The following MED24 variants were observed in gnomAD, a reference collection of about 807,000 sequenced individuals.
The protein encoded by MED24 is mediator of RNA polymerase II transcription subunit 24.
Under a neutral mutation model 118.8 loss-of-function variants are expected in MED24, and 74 were observed. The ratio of observed to expected loss-of-function variants is 0.62; its 90% CI spans 0.52 to 0.76. MED24 has a LOEUF of 0.76. MED24 is among the 30% of genes least tolerant of loss of function. The pLI is 0.00. For missense variants in MED24, 1,041 were observed against 1,278.9 expected (o/e 0.81, Z 2.84); for synonymous variants, 521 against 523.9 (o/e 0.99, Z 0.08).
intron 16 of MED24, 57 bp downstream of exon 16, chr17:40,027,326 G>C: frequency 6.5e-7 from 1 of 1,540,448 alleles, no homozygotes; most frequent in Non-Finnish European, 8.8e-7. Context: ...GAGGTGGGGA[G>C]AGTTCCGGGT....
At position 40,053,593 on chromosome 17, in the gene MED24, C is replaced by G. The variant is rs1567641448; in HGVS notation, c.6G>C (p.Lys2Asn). The change falls in exon 2 of 26, where the codon AAG (lysine) becomes AAC (asparagine). Residue 2 changes from lysine to asparagine, a missense_variant. Physicochemically the swap from Lys to Asn is moderately conservative, Grantham distance 94. Transcript: ENST00000394128. Reference sequence around the variant, plus strand: ...AAATGGCTTGCTTCAGGTTGACCACCTTCATTATTTCACTCTGAGCAGGTG... The same window carrying G: ...AAATGGCTTGCTTCAGGTTGACCACGTTCATTATTTCACTCTGAGCAGGTG... M[K>N]VVNLKQAILQ... The G allele has an allele frequency of 6.2e-7, 1 of 1,614,132 alleles. No individual in the cohort carries two copies. Among genetic ancestry groups the G allele is most frequent in the Non-Finnish European group, 8.5e-7 (1 of 1,180,030 alleles).
Position 40,033,032 on chromosome 17 carries a change from G to C in MED24, c.822+24C>G. 6.2e-7 allele frequency: 1 copy of C among 1,612,570 alleles called. No homozygotes were observed. The highest frequency in any genetic ancestry group is 8.5e-7 in the Non-Finnish European group (1 of 1,179,728). On this transcript the variant is annotated intron_variant, in intron 8 of 25. Coordinates refer to ENST00000394128, the MANE Select transcript of MED24 (RefSeq NM_014815.4). The surrounding 1 kb of genome is among the most constrained non-coding windows in gnomAD (Gnocchi z 5.2). ...AACAGGCTGGCCTGCCTTGGAGAAGGGAGAGCCACTCGGCCCCTCCCACCT... is the reference window on the plus strand; with the variant it reads ...AACAGGCTGGCCTGCCTTGGAGAAGCGAGAGCCACTCGGCCCCTCCCACCT...
intron 6 of MED24, among the ~76,000 whole-genome samples, chr17:40,034,126 G>T (rs557432625): frequency 1.3e-5 from 2 of 152,094 alleles, no homozygotes; most frequent in African/African-American, 4.8e-5. Flanking sequence ...ATTCCAGAGG[G>T]TCAAATGATG....
rs1224888825 is a variant in MED24 at position 40,033,638 on chromosome 17, G to A, written c.560-182C>T. The A allele has an allele frequency of 1.3e-5, 9 of 699,236 alleles. No homozygotes were observed. The East Asian group carries it at 1.6e-4, about 13-fold the overall frequency. 43.3% of individuals were successfully genotyped at this position (699,236 alleles called of 1,614,324 possible). On this transcript the variant is annotated intron_variant, in intron 6 of 25. Transcript: ENST00000394128. The surrounding 1 kb of genome is among the most constrained non-coding windows in gnomAD (Gnocchi z 5.2). ...ATGCACTGTTTCCAGAAGGGGGGTG[G>A]GCACCTAGAGCTGGAAACCCCAGAG... is the stretch of plus-strand genomic sequence containing the variant.
At position 40,026,898 on chromosome 17, in the gene MED24, G is replaced by T; in HGVS notation, c.1667C>A (p.Ser556Tyr). The change falls in exon 17 of 26, where the codon TCC becomes TAC. Residue 556 changes from serine (S) to tyrosine (Y), a missense_variant. By Grantham distance (144) the Ser-to-Tyr change is moderately radical (BLOSUM62 -2). Around this residue, in one of 3 missense-constraint regions of MED24, gnomAD observed 587 missense variants for 694.4 expected, o/e 0.85. Coordinates refer to ENST00000394128, the MANE Select transcript of MED24 (RefSeq NM_014815.4). ...CFRPDSTKVE[S>Y]LVALLNNSSE... Reference sequence around the variant, plus strand: ...GGAGTTGTTGAGCAGGGCCACCAGGGACTCCACTTTGGTGGAGTCGGGGCG... The same window carrying T: ...GGAGTTGTTGAGCAGGGCCACCAGGTACTCCACTTTGGTGGAGTCGGGGCG... 1 of 1,613,914 alleles carries T rather than the reference G, an allele frequency of 6.2e-7. No individual in the cohort carries two copies. Among genetic ancestry groups the T allele is most frequent in the Admixed American group, 1.7e-5 (1 of 59,894 alleles).
intron 3 of MED24, among the ~76,000 whole-genome samples, chr17:40,050,929 G>C (rs1985767732): frequency 6.6e-6 from 1 of 152,078 alleles, no homozygotes; most frequent in Admixed American, 6.6e-5. Context: ...CTGAGGTCGG[G>C]AGTTTGAGAC....
In MED24 at chr17:40,029,763, G is replaced by A. The variant is rs1983150333; in HGVS notation, c.1251C>T (p.Val417=). The change falls in exon 13 of 26, where the codon GTC becomes GTT. Residue 417 remains valine (V), a synonymous_variant. Coordinates refer to ENST00000394128, the MANE Select transcript of MED24 (RefSeq NM_014815.4). ...GCACACTCACCTTGAGGATGTTTGTGACAGTGGGCTCCGCCCGGAGGATCA... is the reference window on the plus strand; with the variant it reads ...GCACACTCACCTTGAGGATGTTTGTAACAGTGGGCTCCGCCCGGAGGATCA... The part of the protein sequence containing the change: ...IQLILRAEPT[V]TNILKTMDAD... The A allele has an allele frequency of 6.2e-7, 1 of 1,614,160 alleles. No homozygotes were observed.
chr17:40,049,190 A>C (rs1985557133), intron 3 of MED24, among the ~76,000 whole-genome samples: 1 of 152,168 alleles, frequency 6.6e-6, no homozygotes, highest in Non-Finnish European at 1.5e-5. Context: ...AAAATACAAA[A>C]AAAGAAAAAG....
Position 40,019,357 on chromosome 17 carries a change from G to C in MED24, c.*172C>G. 1.6e-6 allele frequency: 1 copy of C among 622,520 alleles called. No homozygotes were observed. Among genetic ancestry groups the C allele is most frequent in the South Asian group, 2.0e-5 (1 of 50,742 alleles). 38.6% of individuals were successfully genotyped at this position (622,520 alleles called of 1,614,324 possible). On this transcript the variant is annotated 3_prime_UTR_variant, in exon 26 of 26. Transcript: ENST00000394128. ...GAGGAAATTTTGAAAGAAGAAACCGGGAGACATCCTGGAGGTCAGGAGTCA... is the reference window on the plus strand; with the variant it reads ...GAGGAAATTTTGAAAGAAGAAACCGCGAGACATCCTGGAGGTCAGGAGTCA...
In MED24 at chr17:40,033,307, C is replaced by T. The variant is rs1457036265; in HGVS notation, c.671+38G>A. ...ATCTTCCTACCCCAGGGCGTGTCCT[C>T]CCTCTCCCTTCTCCACCATCCCCCA... On this transcript the variant is annotated intron_variant, in intron 7 of 25. Transcript: ENST00000394128. This position sits in a 1 kb window ranked among gnomAD's most constrained non-coding sequence, Gnocchi z 5.2. The T allele has an allele frequency of 3.1e-6, 5 of 1,612,144 alleles. No homozygotes were observed. The highest frequency in any genetic ancestry group is 2.5e-6 in the Non-Finnish European group (3 of 1,179,252).
At position 40,027,761 on chromosome 17, in the gene MED24, G is replaced by A. The variant is rs35701140; in HGVS notation, c.1447+148C>T. ...CTTTTCCAGCATTATCCACTTTCAA[G>A]CTCTGTGGAAGCTTCCATTGGTCAT... is the stretch of plus-strand genomic sequence containing the variant. On this transcript the variant is annotated intron_variant, in intron 15 of 25. Coordinates refer to ENST00000394128, the MANE Select transcript of MED24 (RefSeq NM_014815.4). 6,753 of 882,870 alleles carry A rather than the reference G, an allele frequency of 7.6e-3. 57 individuals are homozygous for A. The highest frequency in any genetic ancestry group is 9.1e-3 in the Non-Finnish European group (5,001 of 550,666). The allele number at this position is 882,870 out of a possible 1,614,324, so 54.7% of individuals were successfully genotyped here.
intron 3 of MED24, among the ~76,000 whole-genome samples, chr17:40,042,498 C>T (rs1285882634): frequency 6.6e-6 from 1 of 152,084 alleles, no homozygotes; most frequent in Non-Finnish European, 1.5e-5. Context: ...GATGGTGAAA[C>T]CCCATCTCTA....
chr17:40,045,563 T>C (rs1289444824), intron 3 of MED24, among the ~76,000 whole-genome samples: 2 of 151,126 alleles, frequency 1.3e-5, no homozygotes, highest in Non-Finnish European at 2.9e-5. Context: ...CCAAGGTGGG[T>C]AGATTGAGCT....
chr17:40,040,080 G>A (rs1319438208), intron 3 of MED24, among the ~76,000 whole-genome samples: 2 of 146,824 alleles, frequency 1.4e-5, no homozygotes, highest in African/African-American at 5.1e-5. Flanking sequence ...ACCATGCCAG[G>A]CTAATTTTCT....
At chr17:40,020,440 A>G in intron 23 of MED24, 87 bp from the exon 24 acceptor site, 3 of 1,547,924 alleles carry the variant, frequency 1.9e-6, no homozygotes, top group Non-Finnish European at 1.7e-6. Context: ...CCCGACCTTC[A>G]CCCATCGGAG....
chr17:40,054,091 C>T, intron 1 of MED24: 1 of 214,364 alleles, frequency 4.7e-6, no homozygotes, highest in Middle Eastern at 1.9e-3. Context: ...CGAGATCGCA[C>T]CATTGCACTC....
intron 3 of MED24, among the ~76,000 whole-genome samples, chr17:40,043,905 C>CAAAAAAAAAAAAAAAAAAAAAAAA (rs1555668276): frequency 4.3e-5 from 5 of 115,106 alleles, no homozygotes; most frequent in Non-Finnish European, 9.3e-5. Context: ...AAAAAAAAAA[C>CAAAAAAAAAAAAAAAAAAAAAAAA]AAAGATTTAA....
intron 23 of MED24, 88 bp from the exon 24 acceptor site, chr17:40,020,441 C>A (rs1981836393): frequency 6.5e-7 from 1 of 1,547,988 alleles, no homozygotes; most frequent in South Asian, 1.2e-5. Context: ...CCGACCTTCA[C>A]CCATCGGAGG....
chr17:40,053,103 T>C (rs1270140855), intron 3 of MED24, among the ~76,000 whole-genome samples, 195 bp downstream of exon 3: 1 of 151,966 alleles, frequency 6.6e-6, no homozygotes. Flanking sequence ...GGGGTAACTC[T>C]TTGTATTTTT....
Sources: allele counts gnomAD v4.1 joint callset (sites outside exome capture counted in the v4.1 genomes callset), GRCh38; gene constraint gnomAD v4.1.1; regional missense constraint gnomAD v4.1.1; non-coding constraint Gnocchi (gnomAD v3.1); transcripts MANE v1.5; gene names NCBI Gene and HGNC (gene_info 2026-07-23, HGNC 2026-07-21).